Variants in PATJ observed in about 807,000 individuals in gnomAD.
PATJ encodes the protein inaD-like protein.
Under a neutral mutation model 224.9 loss-of-function variants are expected in PATJ, and 190 were observed. The ratio of observed to expected loss-of-function variants is 0.84; its 90% CI spans 0.75 to 0.95. PATJ has a LOEUF of 0.95. Ranked by LOEUF, PATJ falls within the 40% of genes least tolerant of loss-of-function variation. The pLI, the probability that PATJ is intolerant of heterozygous loss-of-function variation, is 0.00. For missense variants in PATJ, 2,121 were observed against 2,270.3 expected (o/e 0.93, Z 1.34); for synonymous variants, 769 against 820.3 (o/e 0.94, Z 1.07).
At chr1:61,863,140 A>C (rs1385055560) in intron 19 of PATJ, among the ~76,000 whole-genome samples, 2 of 149,746 alleles carry the variant, frequency 1.3e-5, no homozygotes, top group African/African-American at 4.9e-5. Context: ...GGCTCAAGCA[A>C]TTCTTTGCCT....
intron 22 of PATJ, among the ~76,000 whole-genome samples, chr1:61,892,778 G>A (rs1192151103): frequency 6.6e-6 from 1 of 151,792 alleles, no homozygotes; most frequent in African/African-American, 2.4e-5. Context: ...GCCCACCAGG[G>A]TGGCACGTTT....
rs763935025 is a variant in PATJ, at chr1:61,864,584, C to T, written c.2786C>T (p.Thr929Ile). The T allele has an allele frequency of 5.6e-6, 9 of 1,608,268 alleles. No homozygotes were observed. In the Admixed American group the frequency reaches 8.3e-5, roughly 15 times the overall value. ...TCTCAAGAGGCAAGAACCGGGAGGA[C>T]TGTCTATTCCCAGGAGGCACAGCCG... ...SESQEARTGRTVYSQEAQPYG... is the reference protein window; with the variant it reads ...SESQEARTGRIVYSQEAQPYG... The change falls in exon 20 of 44, where the codon ACT becomes ATT. Residue 929 changes from threonine to isoleucine, a missense_variant. Thr to Ile is a moderately conservative substitution (Grantham distance 89, BLOSUM62 -1). Coordinates refer to ENST00000642238, the MANE Select transcript of PATJ (RefSeq NM_001350145.3).
chr1:61,952,474 G>A, intron 27 of PATJ: 2 of 716,182 alleles, frequency 2.8e-6, no homozygotes, highest in South Asian at 3.0e-5. Context: ...TGCTGTTTTA[G>A]TGTTGGTGCA....
rs906242329 is a variant in PATJ, at chr1:62,086,663, T to C, written c.4377+2015T>C. ...TAATCTACTTTTGTGTAATAAATAT[T>C]AGTTCCCTAAAGCACTAGGAAACTC... On this transcript the variant is annotated intron_variant, in intron 33 of 43. Transcript: ENST00000642238. The surrounding 1 kb of genome is among the most constrained non-coding windows in gnomAD (Gnocchi z 4.0). Among the ~76,000 whole-genome samples, 2 of 152,170 alleles carry C rather than the reference T, an allele frequency of 1.3e-5. No homozygotes were observed. Among genetic ancestry groups the C allele is most frequent in the African/African-American group, 4.8e-5 (2 of 41,434 alleles).
intron 17 of PATJ, among the ~76,000 whole-genome samples, chr1:61,837,831 A>ATT (rs1660426185): frequency 6.6e-6 from 1 of 151,800 alleles, no homozygotes; most frequent in African/African-American, 2.4e-5. Flanking sequence ...GAGCAGATAA[A>ATT]GGAGCTTGAA....
intron 31 of PATJ, among the ~76,000 whole-genome samples, chr1:62,059,239 A>G (rs567202320): frequency 6.6e-6 from 1 of 152,298 alleles, no homozygotes; most frequent in East Asian, 1.9e-4. Context: ...AAAGGACTTT[A>G]TACCAAGGGA....
At chr1:61,837,014 C>T (rs1660289373) in intron 17 of PATJ, among the ~76,000 whole-genome samples, 1 of 152,212 alleles carries the variant, frequency 6.6e-6, no homozygotes, top group African/African-American at 2.4e-5. Context: ...TATCTCATTT[C>T]AGTTTAACCA....
chr1:62,089,247 C>T (rs1660416811), intron 33 of PATJ, among the ~76,000 whole-genome samples: 1 of 152,048 alleles, frequency 6.6e-6, no homozygotes, highest in African/African-American at 2.4e-5. Context: ...CTGTGCTGCT[C>T]TTGGGTCTTC....
intron 22 of PATJ, among the ~76,000 whole-genome samples, chr1:61,890,927 A>G (rs1669521497): frequency 6.6e-6 from 1 of 152,136 alleles, no homozygotes; most frequent in Non-Finnish European, 1.5e-5. Flanking sequence ...CGTTTAATAG[A>G]AGGTTTGCAG....
chr1:61,959,895 C>T (rs915339285), intron 27 of PATJ, among the ~76,000 whole-genome samples: 1 of 152,102 alleles, frequency 6.6e-6, no homozygotes, highest in African/African-American at 2.4e-5. Context: ...TGGTGGCATG[C>T]ACCTGTAGTC....
chr1:62,150,875 G>A (rs1374857914), intron 42 of PATJ, among the ~76,000 whole-genome samples: 3 of 152,162 alleles, frequency 2.0e-5, no homozygotes, highest in Non-Finnish European at 4.4e-5. Context: ...GGGCGTGGTG[G>A]CTTACGCCTG....
chr1:61,770,324 C>A (rs1270712902), intron 5 of PATJ, among the ~76,000 whole-genome samples: 1 of 152,100 alleles, frequency 6.6e-6, no homozygotes, highest in Non-Finnish European at 1.5e-5. Flanking sequence ...ATACAGTAAA[C>A]CAGGACAGAG....
At chr1:61,898,663 G>A (rs1670704388) in intron 22 of PATJ, among the ~76,000 whole-genome samples, 1 of 152,166 alleles carries the variant, frequency 6.6e-6, no homozygotes, top group Non-Finnish European at 1.5e-5. Flanking sequence ...CATGGTATCA[G>A]TTAGACTTGA....
chr1:61,799,262 G>A (rs1278330668), intron 11 of PATJ, among the ~76,000 whole-genome samples: 1 of 151,998 alleles, frequency 6.6e-6, no homozygotes, highest in East Asian at 1.9e-4. Flanking sequence ...GCGCGATCTT[G>A]GCTCACTGCA....
At chr1:62,082,860 TAC>T (rs1346017258) in intron 32 of PATJ, among the ~76,000 whole-genome samples, 1 of 152,206 alleles carries the variant, frequency 6.6e-6, no homozygotes, top group Non-Finnish European at 1.5e-5. Context: ...CCCCTGCTTT[TAC>T]ATAGGTTTAA....
At chr1:62,028,035 T>G (rs746700925) in intron 29 of PATJ, among the ~76,000 whole-genome samples, 2 of 152,222 alleles carry the variant, frequency 1.3e-5, no homozygotes, top group Non-Finnish European at 2.9e-5. Flanking sequence ...GCTTTTGGTG[T>G]TGTATTCAAG....
intron 14 of PATJ, among the ~76,000 whole-genome samples, chr1:61,819,677 A>G (rs889073594): frequency 6.6e-6 from 1 of 152,188 alleles, no homozygotes; most frequent in Non-Finnish European, 1.5e-5. Context: ...TCTGTGGTGT[A>G]AATACTCCCA....
intron 41 of PATJ, among the ~76,000 whole-genome samples, chr1:62,137,469 C>A (rs76226561): frequency 3.4e-3 from 35 of 10,364 alleles, no homozygotes; most frequent in Admixed American, 0.011. Flanking sequence ...GGGGGCACAG[C>A]AGCCTGAGGG....
At chr1:62,042,270 A>G (rs1651654193) in intron 30 of PATJ, among the ~76,000 whole-genome samples, 1 of 152,190 alleles carries the variant, frequency 6.6e-6, no homozygotes, top group African/African-American at 2.4e-5. Context: ...TATTCTAGAG[A>G]GGGCTTTTTA....
Sources: allele counts gnomAD v4.1 joint callset (sites outside exome capture counted in the v4.1 genomes callset), GRCh38; gene constraint gnomAD v4.1.1; non-coding constraint Gnocchi (gnomAD v3.1); transcripts MANE v1.5; gene names NCBI Gene and HGNC (gene_info 2026-07-23, HGNC 2026-07-21).